The following C16orf46 variants were observed in gnomAD, a reference collection of about 807,000 sequenced individuals.
C16orf46 encodes chromosome 16 open reading frame 46.
A neutral mutation model predicts 5.5 loss-of-function variants in C16orf46; 7 were observed. The ratio of observed to expected loss-of-function variants is 1.28; its 90% CI spans 0.73 to 2.40. C16orf46 has a LOEUF of 2.40. Among genes scored for constraint, C16orf46 ranks in the 30% most tolerant of loss-of-function variants. The probability of loss-of-function intolerance (pLI) is 0.00; values close to 1 mark genes in which losing one functional copy is unlikely to be tolerated. For synonymous variants in C16orf46, 200 were observed against 184.1 expected, an observed-to-expected ratio of 1.09 and a Z score of -0.70; for missense variants, 614 against 476.0, an observed-to-expected ratio of 1.29 and a Z score of -2.70.
At chr16:81,063,139 A>G (rs537552794) in intron 3 of C16orf46, among the ~76,000 whole-genome samples, 88 of 150,360 alleles carry the variant, frequency 5.9e-4, no homozygotes, top group African/African-American at 2.0e-3. Context: ...GCTACTCAGG[A>G]GGCTGAGGCA....
intron 2 of C16orf46, among the ~76,000 whole-genome samples, chr16:81,065,473 CAAAA>C (rs11303086): frequency 1.5e-5 from 1 of 65,382 alleles, no homozygotes; most frequent in Admixed American, 1.7e-4. Flanking sequence ...GAATCCGTCT[CAAAA>C]AAAAAAAAAA....
Position 81,063,943 on chromosome 16 carries a change from G to C in C16orf46, c.13C>G (p.Gln5Glu). 1 of 1,611,812 alleles carries C rather than the reference G, an allele frequency of 6.2e-7. No individual in the cohort carries two copies. The highest frequency in any genetic ancestry group is 8.5e-7 in the Non-Finnish European group (1 of 1,178,784). The change falls in exon 3 of 4, where the codon CAG becomes GAG. Residue 5 changes from glutamine (Q) to glutamate (E), a missense_variant. Coordinates refer to ENST00000299578, the MANE Select transcript of C16orf46 (RefSeq NM_152337.3). Reference sequence around the variant, plus strand: ...TTTTCTAAGTCAGTCTCATTTTTCTGACAGAGATCCATTACTGTGATGCTT... The same window carrying C: ...TTTTCTAAGTCAGTCTCATTTTTCTCACAGAGATCCATTACTGTGATGCTT... MDLC[Q>E]KNETDLENAE...
intron 2 of C16orf46, among the ~76,000 whole-genome samples, chr16:81,064,846 C>G (rs1010047437): frequency 3.3e-5 from 5 of 152,094 alleles, no homozygotes; most frequent in African/African-American, 1.2e-4. Flanking sequence ...TCTCACAACC[C>G]TCAGAAGGAA....
intron 3 of C16orf46, among the ~76,000 whole-genome samples, chr16:81,054,881 C>G (rs1971251378): frequency 6.6e-6 from 1 of 152,178 alleles, no homozygotes; most frequent in Non-Finnish European, 1.5e-5. Context: ...CTCCTGACCT[C>G]AAGTGATTCA....
At chr16:81,062,475 T>C (rs903318489) in intron 3 of C16orf46, among the ~76,000 whole-genome samples, 10 of 152,234 alleles carry the variant, frequency 6.6e-5, no homozygotes, top group African/African-American at 2.4e-4. Context: ...AATGGCCACT[T>C]TGATGTGCTG....
intron 1 of C16orf46, among the ~76,000 whole-genome samples, chr16:81,076,053 T>A (rs1015754204): frequency 2.4e-4 from 36 of 152,162 alleles, no homozygotes; most frequent in African/African-American, 8.4e-4. Flanking sequence ...GGCAGCCTCA[T>A]TTGGAATTTG....
Position 81,061,024 on chromosome 16 carries a change from G to A in C16orf46, c.*137C>T. The A allele has an allele frequency of 7.2e-7, 1 of 1,385,564 alleles. No individual in the cohort carries two copies. The highest frequency in any genetic ancestry group is 1.8e-5 in the South Asian group (1 of 55,284). 85.8% of individuals were successfully genotyped at this position (1,385,564 alleles called of 1,614,324 possible). A position where few individuals can be genotyped will look rare whatever the true frequency, so the allele number is the denominator to read the frequency against. On this transcript the variant is annotated 3_prime_UTR_variant, in exon 4 of 4. Transcript: ENST00000299578. Reference sequence around the variant, plus strand: ...GTTGTACTACAAAAAAAAAATGGAGGAAAAGAAGAGTAAAGACAGACTGAC... The same window carrying A: ...GTTGTACTACAAAAAAAAAATGGAGAAAAAGAAGAGTAAAGACAGACTGAC...
At chr16:81,053,807 T>C (rs949872903) in exon 4 of C16orf46, 2 of 380,542 alleles carry the variant, frequency 5.3e-6, no homozygotes, top group East Asian at 3.9e-5. Flanking sequence ...TTTTCAAAAG[T>C]ACATATATTA....
chr16:81,071,375 G>T (rs1395482584), intron 1 of C16orf46, among the ~76,000 whole-genome samples: 2 of 152,224 alleles, frequency 1.3e-5, no homozygotes, highest in Non-Finnish European at 2.9e-5. Flanking sequence ...CAGGGGAAGA[G>T]AAGTCACTAT....
At chr16:81,075,743 C>T (rs1361479725) in intron 1 of C16orf46, among the ~76,000 whole-genome samples, 1 of 152,104 alleles carries the variant, frequency 6.6e-6, no homozygotes, top group Non-Finnish European at 1.5e-5. Context: ...CACATGTTTG[C>T]CAGTCTGTCT....
At position 81,077,229 on chromosome 16, in the gene C16orf46, G is replaced by T. The variant is rs1201814856; in HGVS notation, c.-221C>A. ...TCGCTGCCGGATGGGCCGTTGCCTT[G>T]GGTTACGACCACGCTGGGGGCGGGA... On this transcript the variant is annotated 5_prime_UTR_variant, in exon 1 of 4. Coordinates refer to ENST00000299578, the MANE Select transcript of C16orf46 (RefSeq NM_152337.3). 1 of 152,338 alleles carries T rather than the reference G, an allele frequency of 6.6e-6. No individual in the cohort carries two copies. Among genetic ancestry groups the T allele is most frequent in the Admixed American group, 6.5e-5 (1 of 15,294 alleles). The allele number at this position is 152,338 out of a possible 1,614,324, so 9.4% of individuals were successfully genotyped here.
downstream of C16orf46, among the ~76,000 whole-genome samples, chr16:81,057,361 C>G (rs1046458161): frequency 6.6e-6 from 1 of 151,614 alleles, no homozygotes; most frequent in Non-Finnish European, 1.5e-5. Context: ...CTAGCCTGGC[C>G]TACATGGTGA....
exon 4 of C16orf46, chr16:81,053,703 C>T (rs868137413): frequency 1.1e-5 from 2 of 177,062 alleles, no homozygotes; most frequent in African/African-American, 4.7e-5. Context: ...AAAATTTAAA[C>T]AAGTCATACT....
At chr16:81,068,746 T>C (rs138632442) in intron 1 of C16orf46, among the ~76,000 whole-genome samples, 298 of 152,060 alleles carry the variant, frequency 2.0e-3, no homozygotes, top group Non-Finnish European at 3.3e-3. Context: ...CTGTCACCCA[T>C]GCTGGAGTGC....
In C16orf46 at chr16:81,061,297, C is replaced by T. The variant is rs368711170; in HGVS notation, c.1052G>A (p.Arg351Gln). 62 of 1,613,934 alleles carry T rather than the reference C, an allele frequency of 3.8e-5. 1 individual carries two copies. Among genetic ancestry groups the T allele is most frequent in the Middle Eastern group, 1.6e-4 (1 of 6,084 alleles). ...AKEPRSPVIT[R>Q]KHVLPKAKQE... ...CTTGGCCTTTGGGAGAACATGCTTTCGGGTGATCACAGGAGATCTTGGCTC... is the reference window on the plus strand; with the variant it reads ...CTTGGCCTTTGGGAGAACATGCTTTTGGGTGATCACAGGAGATCTTGGCTC... The change falls in exon 4 of 4, where the codon CGA becomes CAA. Residue 351 changes from arginine to glutamine, a missense_variant. By Grantham distance (43) the Arg-to-Gln change is conservative. Transcript: ENST00000299578.
chr16:81,059,523 A>C (rs988327804), downstream of C16orf46, among the ~76,000 whole-genome samples: 1 of 152,214 alleles, frequency 6.6e-6, no homozygotes, highest in African/African-American at 2.4e-5. Context: ...CTCATATCAC[A>C]GAACGGTTCA....
downstream of C16orf46, among the ~76,000 whole-genome samples, chr16:81,058,698 A>G (rs1282805314): frequency 6.6e-6 from 1 of 152,216 alleles, no homozygotes; most frequent in Non-Finnish European, 1.5e-5. Flanking sequence ...TATTTGATCC[A>G]CTCAATACAT....
rs778861920 is a variant in C16orf46 at position 81,063,882 on chromosome 16, G to C, written c.74C>G (p.Thr25Arg). ...ATCTGGACAAGTATAGGTTGGTTCT[G>C]TTTCTTCTGTGAACTGAATTTCATT... ...ENNEIQFTEE[T>R]EPTYTCPDGK... is the part of the protein sequence containing the mutation. The change falls in exon 3 of 4, where the codon ACA becomes AGA. Residue 25 changes from threonine (T) to arginine (R), a missense_variant. Transcript: ENST00000299578. 2 of 1,613,548 alleles carry C rather than the reference G, an allele frequency of 1.2e-6. No individual in the cohort carries two copies. Among genetic ancestry groups the C allele is most frequent in the Non-Finnish European group, 1.7e-6 (2 of 1,179,706 alleles).
downstream of C16orf46, among the ~76,000 whole-genome samples, chr16:81,057,308 G>C (rs546228078): frequency 6.2e-4 from 94 of 152,238 alleles, no homozygotes; most frequent in Non-Finnish European, 1.1e-3. Flanking sequence ...CAGCACTTTG[G>C]GAGGCCAAGG....
Sources: gnomAD v4.1 joint callset for allele counts (sites outside exome capture counted in the v4.1 genomes callset) on GRCh38, gnomAD v4.1.1 for gene constraint, MANE v1.5 for transcripts, NCBI Gene and HGNC (gene_info 2026-07-23, HGNC 2026-07-21) for gene names.